The following DNAJC21 variants were observed in gnomAD, a reference collection of about 807,000 sequenced individuals.
DNAJC21 encodes the protein dnaJ homolog subfamily C member 21.
Under a neutral mutation model 72.4 loss-of-function variants are expected in DNAJC21, and 63 were observed. That is an observed-to-expected ratio of 0.87 (90% CI 0.71 to 1.07). The LOEUF (loss-of-function observed/expected upper bound fraction) is 1.07, where lower values mean the gene tolerates loss of function less well. Ranked by LOEUF, DNAJC21 falls within the 50% of genes least tolerant of loss-of-function variation. The pLI is 0.00. For synonymous variants in DNAJC21, 203 were observed against 216.7 expected, an observed-to-expected ratio of 0.94 and a Z score of 0.56; for missense variants, 634 against 644.8, an observed-to-expected ratio of 0.98 and a Z score of 0.18.
Position 34,938,927 on chromosome 5 carries a change from G to A in DNAJC21, c.813G>A (p.Met271Ile), listed in dbSNP as rs775592568. Residue 271 changes from methionine (M) to isoleucine (I), a missense_variant, in exon 6 of 12, where the codon ATG becomes ATA. By Grantham distance (10) the Met-to-Ile change is conservative. Transcript: ENST00000648817. ...MANLEKELQEMEARYEKEFGD... is the reference protein window; with the variant it reads ...MANLEKELQEIEARYEKEFGD... ...ATTTGGAGAAAGAGCTCCAGGAGAT[G>A]GAGGCACGGTACGAGAAGGAGTTTG... 3.1e-6 allele frequency: 5 copies of A among 1,614,148 alleles called. No homozygotes were observed. Among genetic ancestry groups the A allele is most frequent in the Non-Finnish European group, 4.2e-6 (5 of 1,180,024 alleles).
intron 3 of DNAJC21, 37 bp downstream of exon 3, chr5:34,935,870 G>A (rs764112712): frequency 1.2e-6 from 2 of 1,611,992 alleles, no homozygotes; most frequent in Admixed American, 1.7e-5. Flanking sequence ...TTCTCATCAA[G>A]TACTTCATTA....
chr5:34,946,884 T>G (rs1474782857), intron 9 of DNAJC21, among the ~76,000 whole-genome samples: 1 of 152,216 alleles, frequency 6.6e-6, no homozygotes, highest in East Asian at 1.9e-4. Context: ...AGTATTTTCT[T>G]ACTGATGAAA....
chr5:34,936,067 C>T lies in DNAJC21; in HGVS notation c.316-77C>T, dbSNP rs978647828. 1.0e-5 allele frequency: 16 copies of T among 1,542,112 alleles called. No individual in the cohort carries two copies. The African/African-American group carries it at 1.8e-4, about 17-fold the overall frequency. On this transcript the variant is annotated intron_variant, in intron 3 of 11. Coordinates refer to ENST00000648817, the MANE Select transcript of DNAJC21 (RefSeq NM_001012339.3). ...AAAATTCTTCAACATTAAAATTTTT[C>T]ATTTTGTATTTTAAAATCTTTTTCT...
chr5:34,954,201 G>T, intron 11 of DNAJC21, 200 bp downstream of exon 11: 1 of 503,442 alleles, frequency 2.0e-6, no homozygotes. Context: ...ATGCTAGACT[G>T]TACCAGAACA....
chr5:34,949,446 A>G (rs761773259), intron 9 of DNAJC21: 49 of 1,522,012 alleles, frequency 3.2e-5, no homozygotes, highest in Non-Finnish European at 3.9e-5. Context: ...CAGGAAAAGG[A>G]GTAATTGGTA....
intron 1 of DNAJC21, 70 bp downstream of exon 1, chr5:34,929,986 C>CA: frequency 7.9e-7 from 1 of 1,259,544 alleles, no homozygotes; most frequent in Non-Finnish European, 1.1e-6. Flanking sequence ...TCCCTTCCCC[C>CA]GGGCGGACTC....
rs150820981 is a variant in DNAJC21 at position 34,949,659 on chromosome 5, G to A, written c.1186-511G>A. ...AGAGCGAGCACAAATGTGCCAAAAT[G>A]TTGCTTGAAAACAGACAGGTACGCT... On this transcript the variant is annotated intron_variant, in intron 9 of 11. Coordinates refer to ENST00000648817, the MANE Select transcript of DNAJC21 (RefSeq NM_001012339.3). 6.8e-6 allele frequency: 11 copies of A among 1,613,704 alleles called. No homozygotes were observed. The African/African-American group carries it at 1.5e-4, about 22-fold the overall frequency.
chr5:34,943,074 A>G (rs1393704015), intron 7 of DNAJC21, among the ~76,000 whole-genome samples: 1 of 147,612 alleles, frequency 6.8e-6, no homozygotes, highest in African/African-American at 2.5e-5. Context: ...GTCTCAAAAT[A>G]AAAAAAAAAA....
chr5:34,943,050 A>G (rs1765051024), intron 7 of DNAJC21, among the ~76,000 whole-genome samples: 1 of 152,226 alleles, frequency 6.6e-6, no homozygotes. Flanking sequence ...CCTGGGCAAT[A>G]AGAGCAAAAC....
chr5:34,940,121 A>G (rs1304134702), intron 6 of DNAJC21, among the ~76,000 whole-genome samples: 1 of 152,140 alleles, frequency 6.6e-6, no homozygotes, highest in Non-Finnish European at 1.5e-5. Context: ...TGCTCATGGA[A>G]TCGTCTCTGT....
intron 7 of DNAJC21, among the ~76,000 whole-genome samples, chr5:34,941,560 CTTTTTTTTTT>C (rs765889955): frequency 2.6e-5 from 2 of 76,090 alleles, no homozygotes; most frequent in African/African-American, 1.0e-4. Context: ...CTTGTGTTTT[CTTTTTTTTTT>C]TTTTTTTTTT....
chr5:34,934,029 T>C (rs558744881), intron 2 of DNAJC21, 121 bp downstream of exon 2: 1 of 708,650 alleles, frequency 1.4e-6, no homozygotes, highest in Admixed American at 3.3e-5. Flanking sequence ...GAAACATCTG[T>C]CACCTAGTCA....
Position 34,929,805 on chromosome 5 carries a change from C to G in DNAJC21, c.-15C>G. The G allele has an allele frequency of 7.1e-7, 1 of 1,410,002 alleles. No individual in the cohort carries two copies. Among genetic ancestry groups the G allele is most frequent in the South Asian group, 1.4e-5 (1 of 70,382 alleles). The allele number at this position is 1,410,002 out of a possible 1,614,324, so 87.3% of individuals were successfully genotyped here. A position where few individuals can be genotyped will look rare whatever the true frequency, so the allele number is the denominator to read the frequency against. On this transcript the variant is annotated 5_prime_UTR_variant, in exon 1 of 12. Coordinates refer to ENST00000648817, the MANE Select transcript of DNAJC21 (RefSeq NM_001012339.3). ...CGTCCCGGGCCCCAGCGCCGGCCGC[C>G]CGCCCGGTCGGGCGATGAAGTGTCA...
intron 1 of DNAJC21, among the ~76,000 whole-genome samples, chr5:34,932,419 C>CAA (rs769907634): frequency 1.4e-4 from 9 of 65,628 alleles, no homozygotes; most frequent in African/African-American, 2.4e-4. Context: ...GACTCCATCT[C>CAA]AAAAAAAAAA....
At position 34,929,823 on chromosome 5, in the gene DNAJC21, A is replaced by T; in HGVS notation, c.4A>T (p.Lys2Ter). M[K>*]CHYEALGVRR... Reference sequence around the variant, plus strand: ...CGGCCGCCCGCCCGGTCGGGCGATGAAGTGTCACTATGAGGCGCTGGGGGT... The same window carrying T: ...CGGCCGCCCGCCCGGTCGGGCGATGTAGTGTCACTATGAGGCGCTGGGGGT... The change falls in exon 1 of 12, where the codon AAG (lysine) becomes TAG (stop). Residue 2 changes from lysine to a stop codon, truncating the protein, a stop_gained. Transcript: ENST00000648817. LOFTEE classifies it high-confidence loss of function. The T allele has an allele frequency of 6.7e-7, 1 of 1,486,730 alleles. No individual in the cohort carries two copies. Among genetic ancestry groups the T allele is most frequent in the Non-Finnish European group, 9.0e-7 (1 of 1,110,224 alleles). 92.1% of individuals were successfully genotyped at this position (1,486,730 alleles called of 1,614,324 possible).
chr5:34,953,952 C>G lies in DNAJC21; in HGVS notation c.1385C>G (p.Thr462Ser). 6.2e-7 allele frequency: 1 copy of G among 1,611,436 alleles called. No homozygotes were observed. Among genetic ancestry groups the G allele is most frequent in the Non-Finnish European group, 8.5e-7 (1 of 1,179,156 alleles). The change falls in exon 11 of 12, where the codon ACC becomes AGC. Residue 462 changes from threonine (T) to serine (S), a missense_variant. Coordinates refer to ENST00000648817, the MANE Select transcript of DNAJC21 (RefSeq NM_001012339.3). The stretch of plus-strand genomic sequence containing the variant: ...GTTCCTAAACCCAAAGGAAAGAAAA[C>G]CAAAGATATGAAAAAACCTGTCAGA... The part of the protein sequence containing the change: ...KSVPKPKGKK[T>S]KDMKKPVRVP...
At chr5:34,949,661 T>A in intron 9 of DNAJC21, 1 of 1,613,816 alleles carries the variant, frequency 6.2e-7, no homozygotes, top group African/African-American at 1.3e-5. Context: ...GCCAAAATGT[T>A]GCTTGAAAAC....
At chr5:34,938,219 TGTGCAAGGCCAC>T (rs1764861982) in intron 5 of DNAJC21, among the ~76,000 whole-genome samples, 1 of 152,246 alleles carries the variant, frequency 6.6e-6, no homozygotes, top group Admixed American at 6.5e-5. Flanking sequence ...ATTCTTCCTC[TGTGCAAGGCCAC>T]GTTCTAAGTG....
At chr5:34,932,882 C>T (rs970704152) in intron 1 of DNAJC21, among the ~76,000 whole-genome samples, 2 of 152,234 alleles carry the variant, frequency 1.3e-5, no homozygotes. Context: ...AACCTCATCT[C>T]GGAAGTGAGG....
Sources: gnomAD v4.1 joint callset for allele counts (sites outside exome capture counted in the v4.1 genomes callset) on GRCh38, gnomAD v4.1.1 for gene constraint, MANE v1.5 for transcripts, NCBI Gene and HGNC (gene_info 2026-07-23, HGNC 2026-07-21) for gene names.